Variants in ZNF814 observed in about 807,000 individuals in gnomAD.
The protein encoded by ZNF814 is zinc finger protein 814.
ZNF814 carries 5 observed loss-of-function variants against 7.5 expected under a neutral mutation model. The observed-to-expected ratio is 0.67, with a 90% CI of 0.35 to 1.40. The LOEUF is 1.40. Ranked by LOEUF, ZNF814 falls within the 40% of genes most tolerant of loss-of-function variation. The probability of loss-of-function intolerance (pLI) is 0.04; values close to 1 mark genes in which losing one functional copy is unlikely to be tolerated. For synonymous variants in ZNF814, 315 were observed against 340.7 expected (o/e 0.92, Z 0.83); for missense variants, 962 against 1,018.0 (o/e 0.94, Z 0.75).
upstream of ZNF814, among the ~76,000 whole-genome samples, chr19:57,891,969 G>A (rs932291319): frequency 2.0e-5 from 3 of 152,242 alleles, no homozygotes; most frequent in Admixed American, 2.0e-4. Flanking sequence ...GGCCAGGCTG[G>A]TTTCAAGCTC....
At position 57,869,635 on chromosome 19, in the gene ZNF814, ACT is replaced by A. The variant is rs1459771577; in HGVS notation, c.*3185_*3186del. On this transcript the variant is annotated 3_prime_UTR_variant, in exon 3 of 3. Coordinates refer to ENST00000435989, the MANE Select transcript of ZNF814 (RefSeq NM_001144989.2). Reference sequence around the variant, plus strand: ...CATAGCTTACTGAATGTCATTTATAACTCATCACAGCTTTAAAATATACTTCA... The same window carrying A: ...CATAGCTTACTGAATGTCATTTATAACATCACAGCTTTAAAATATACTTCA... The A allele has an allele frequency of 7.9e-5, 12 of 152,196 alleles. No homozygotes were observed. In the South Asian group the frequency reaches 2.3e-3, roughly 29 times the overall value. The allele number at this position is 152,196 out of a possible 1,614,324, so 9.4% of individuals were successfully genotyped here.
upstream of ZNF814, chr19:57,889,051 G>A (rs1403607896): frequency 1.9e-6 from 1 of 536,986 alleles, no homozygotes. Flanking sequence ...CGCCACCAGA[G>A]GGCGCCGGAA....
chr19:57,878,244 G>A (rs2071623642), intron 1 of ZNF814, among the ~76,000 whole-genome samples: 1 of 151,716 alleles, frequency 6.6e-6, no homozygotes, highest in Non-Finnish European at 1.5e-5. Context: ...AGAGCCACAT[G>A]GGGGTTGCAT....
At position 57,872,544 on chromosome 19, in the gene ZNF814, A is replaced by T; in HGVS notation, c.*278T>A. 1.3e-6 allele frequency: 1 copy of T among 774,580 alleles called. No individual in the cohort carries two copies. The highest frequency in any genetic ancestry group is 2.1e-6 in the Non-Finnish European group (1 of 478,276). 48.0% of individuals were successfully genotyped at this position (774,580 alleles called of 1,614,324 possible). A position where few individuals can be genotyped will look rare whatever the true frequency, so the allele number is the denominator to read the frequency against. ...ATTCAAGGAGAAAAGACCTTCAGGTAACTTTTTTCCCACATTTGCTGCAAT... is the reference window on the plus strand; with the variant it reads ...ATTCAAGGAGAAAAGACCTTCAGGTTACTTTTTTCCCACATTTGCTGCAAT... On this transcript the variant is annotated 3_prime_UTR_variant, in exon 3 of 3. Transcript: ENST00000435989.
the ZNF814 span, among the ~76,000 whole-genome samples, chr19:57,899,076 A>G: frequency 6.6e-6 from 1 of 152,128 alleles, no homozygotes; most frequent in African/African-American, 2.4e-5. Flanking sequence ...ATTCCAAAAT[A>G]CTGGCCTCTA....
In ZNF814 at chr19:57,871,647, T is replaced by G. The variant is rs1329527710; in HGVS notation, c.*1175A>C. The G allele has an allele frequency of 2.0e-5, 3 of 152,050 alleles. No individual in the cohort carries two copies. Among genetic ancestry groups the G allele is most frequent in the Non-Finnish European group, 2.9e-5 (2 of 67,994 alleles). The allele number at this position is 152,050 out of a possible 1,614,324, so 9.4% of individuals were successfully genotyped here. ...AGATTGATGTGATACCCACAAGATCTCTGAAAGACATAGTCCGTCTTTTCA... is the reference window on the plus strand; with the variant it reads ...AGATTGATGTGATACCCACAAGATCGCTGAAAGACATAGTCCGTCTTTTCA... On this transcript the variant is annotated 3_prime_UTR_variant, in exon 3 of 3. Transcript: ENST00000435989.
upstream of ZNF814, among the ~76,000 whole-genome samples, chr19:57,890,350 GTTGT>G (rs541636934): frequency 1.8e-3 from 280 of 152,116 alleles, no homozygotes; most frequent in African/African-American, 6.3e-3. Context: ...TGTTGTTGTT[GTTGT>G]TTATTTGTTT....
At chr19:57,887,410 A>C (rs2122469972) in intron 1 of ZNF814, among the ~76,000 whole-genome samples, 1 of 152,322 alleles carries the variant, frequency 6.6e-6, no homozygotes, top group East Asian at 1.9e-4. Context: ...GGCCCAGACC[A>C]AGATGCCTTT....
chr19:57,886,278 C>T (rs2071692912), intron 1 of ZNF814, among the ~76,000 whole-genome samples: 1 of 152,026 alleles, frequency 6.6e-6, no homozygotes, highest in African/African-American at 2.4e-5. Flanking sequence ...AGGTACCCCT[C>T]CTTGGCCCTG....
intron 1 of ZNF814, among the ~76,000 whole-genome samples, chr19:57,887,856 T>C (rs755940691): frequency 1.5e-4 from 23 of 152,364 alleles, no homozygotes; most frequent in Admixed American, 1.2e-3. Context: ...CTAACTCTTA[T>C]GAAGGATTTA....
chr19:57,879,731 T>G (rs1411279710), intron 1 of ZNF814, among the ~76,000 whole-genome samples: 6 of 149,118 alleles, frequency 4.0e-5, no homozygotes, highest in Admixed American at 6.8e-5. Flanking sequence ...AGTGACTATA[T>G]TATGCCTACT....
chr19:57,901,793 C>G, the ZNF814 span: 1 of 398,486 alleles, frequency 2.5e-6, no homozygotes, highest in East Asian at 3.6e-5. Context: ...TGGCGGTAAG[C>G]CTCCCTACTG....
At chr19:57,901,772 G>C in the ZNF814 span, 1 of 398,578 alleles carries the variant, frequency 2.5e-6, no homozygotes, top group South Asian at 1.3e-4. Context: ...CTATGATGGT[G>C]GTACTTACTG....
At chr19:57,883,992 G>C (rs1223487089) in intron 1 of ZNF814, among the ~76,000 whole-genome samples, 1 of 152,082 alleles carries the variant, frequency 6.6e-6, no homozygotes, top group Non-Finnish European at 1.5e-5. Flanking sequence ...CCTGACCTCA[G>C]GTGATCTGCC....
chr19:57,904,283 C>T, the ZNF814 span, among the ~76,000 whole-genome samples: 1 of 152,182 alleles, frequency 6.6e-6, no homozygotes, highest in Non-Finnish European at 1.5e-5. Flanking sequence ...ACGTCCTCTC[C>T]ACCTGCTTCT....
chr19:57,890,485 TA>T (rs1208211950), upstream of ZNF814, among the ~76,000 whole-genome samples: 1 of 151,996 alleles, frequency 6.6e-6, no homozygotes, highest in Non-Finnish European at 1.5e-5. Flanking sequence ...ATTTGGTAGA[TA>T]GGGGGCCATG....
intron 1 of ZNF814, among the ~76,000 whole-genome samples, chr19:57,877,627 G>T (rs1450992734): frequency 6.6e-6 from 1 of 152,130 alleles, no homozygotes; most frequent in Non-Finnish European, 1.5e-5. Context: ...ATTTTTAGTA[G>T]TGATAGGATT....
chr19:57,905,085 A>G, the ZNF814 span, among the ~76,000 whole-genome samples: 1 of 148,366 alleles, frequency 6.7e-6, no homozygotes. Flanking sequence ...GCCATCATGA[A>G]GAATCCTCGA....
In ZNF814 at chr19:57,869,457, T is replaced by G. The variant is rs2071537248; in HGVS notation, c.*3365A>C. The G allele has an allele frequency of 6.6e-6, 1 of 151,928 alleles. No individual in the cohort carries two copies. Among genetic ancestry groups the G allele is most frequent in the Admixed American group, 6.6e-5 (1 of 15,240 alleles). 9.4% of individuals were successfully genotyped at this position (151,928 alleles called of 1,614,324 possible). On this transcript the variant is annotated 3_prime_UTR_variant, in exon 3 of 3. Transcript: ENST00000435989. ...GAAAGTACTCTACTGTACAGCAAAG[T>G]AAATCATTGGTTGTCTGGAGAACAG...
Sources: gnomAD v4.1 joint callset for allele counts (sites outside exome capture counted in the v4.1 genomes callset) on GRCh38, gnomAD v4.1.1 for gene constraint, MANE v1.5 for transcripts, NCBI Gene and HGNC (gene_info 2026-07-23, HGNC 2026-07-21) for gene names.